Variants in ZHX3 observed in about 807,000 individuals in gnomAD.
The protein encoded by ZHX3 is zinc fingers and homeoboxes 3.
Under a neutral mutation model 64.5 loss-of-function variants are expected in ZHX3, and 20 were observed. The ratio of observed to expected loss-of-function variants is 0.31; its 90% CI spans 0.22 to 0.45. The LOEUF (loss-of-function observed/expected upper bound fraction) is 0.45, where lower values mean the gene tolerates loss of function less well. Among genes scored for constraint, ZHX3 ranks in the 20% least tolerant of loss-of-function variants. The pLI is 1.00. For synonymous variants in ZHX3, 423 were observed against 461.6 expected (o/e 0.92, Z 1.07); for missense variants, 1,041 against 1,195.8 (o/e 0.87, Z 1.91).
chr20:41,256,618 G>A (rs970251714), intron 2 of ZHX3, among the ~76,000 whole-genome samples: 2 of 149,296 alleles, frequency 1.3e-5, no homozygotes, highest in South Asian at 2.2e-4. Context: ...AGCCCCTTCG[G>A]AGGTTTTCAA....
At chr20:41,297,736 C>T (rs989951298) in intron 1 of ZHX3, among the ~76,000 whole-genome samples, 2 of 152,322 alleles carry the variant, frequency 1.3e-5, no homozygotes. Context: ...AGAGCCAGGA[C>T]TGAATAAAGG....
chr20:41,201,214 G>A lies in ZHX3; in HGVS notation c.2860+843C>T, dbSNP rs1600746926. The A allele has an allele frequency of 7.3e-6, 8 of 1,088,682 alleles. No individual in the cohort carries two copies. In the East Asian group the frequency reaches 4.2e-4, roughly 57 times the overall value. The allele number at this position is 1,088,682 out of a possible 1,614,324, so 67.4% of individuals were successfully genotyped here. A position where few individuals can be genotyped will look rare whatever the true frequency, so the allele number is the denominator to read the frequency against. On this transcript the variant is annotated intron_variant, in intron 3 of 3. Coordinates refer to ENST00000683867, the MANE Select transcript of ZHX3 (RefSeq NM_001384317.1). This position sits in a 1 kb window ranked among gnomAD's most constrained non-coding sequence, Gnocchi z 5.0. The stretch of plus-strand genomic sequence containing the variant: ...TACCCCCTCCCACATTGCCAACTCA[G>A]CTAGCAATGCTGCCATTTTGGAACC...
In ZHX3 at chr20:41,202,057, C is replaced by T; in HGVS notation, c.2860G>A (p.Glu954Lys). Residue 954 changes from glutamate to lysine, a missense_variant and splice_region_variant, in exon 3 of 4, where the codon GAA (glutamate) becomes AAA (lysine). Physicochemically the swap from Glu to Lys is moderately conservative, Grantham distance 56 (BLOSUM62 1). Coordinates refer to ENST00000683867, the MANE Select transcript of ZHX3 (RefSeq NM_001384317.1). This position sits in a 1 kb window ranked among gnomAD's most constrained non-coding sequence, Gnocchi z 7.0. ...TSSPQAGRQL[E>K]TD ...GCCATGGCCCCTGTGGACTCCTTAC[C>T]GAGCTGACGTCCAGCCTGGGGACTC... is the stretch of plus-strand genomic sequence containing the variant. 1 of 1,588,058 alleles carries T rather than the reference C, an allele frequency of 6.3e-7. No homozygotes were observed. The highest frequency in any genetic ancestry group is 8.6e-7 in the Non-Finnish European group (1 of 1,166,014).
At chr20:41,209,613 A>C (rs1361339990) in intron 2 of ZHX3, among the ~76,000 whole-genome samples, 1 of 152,268 alleles carries the variant, frequency 6.6e-6, no homozygotes, top group Non-Finnish European at 1.5e-5. Context: ...CCTATTTAAT[A>C]AATGGTGCTG....
intron 2 of ZHX3, among the ~76,000 whole-genome samples, chr20:41,266,214 T>G (rs1437473099): frequency 6.6e-6 from 1 of 152,196 alleles, no homozygotes; most frequent in African/African-American, 2.4e-5. Context: ...AAGCATGACG[T>G]GTAGAATAAA....
At chr20:41,308,008 A>G (rs2045028135) in intron 1 of ZHX3, among the ~76,000 whole-genome samples, 1 of 152,174 alleles carries the variant, frequency 6.6e-6, no homozygotes, top group African/African-American at 2.4e-5. Flanking sequence ...GAATACCTTT[A>G]GTGACTTAAA....
chr20:41,292,484 G>A (rs1461194737), intron 1 of ZHX3, among the ~76,000 whole-genome samples: 1 of 152,166 alleles, frequency 6.6e-6, no homozygotes, highest in East Asian at 1.9e-4. Flanking sequence ...CAAAGGGCAA[G>A]AGAAAAGCAC....
At chr20:41,241,370 A>G (rs2041370311) in intron 2 of ZHX3, among the ~76,000 whole-genome samples, 1 of 152,030 alleles carries the variant, frequency 6.6e-6, no homozygotes, top group African/African-American at 2.4e-5. Flanking sequence ...TTTTTTTCCT[A>G]TCGAGTTGTT....
At chr20:41,257,664 T>C (rs1198855312) in intron 2 of ZHX3, among the ~76,000 whole-genome samples, 3 of 151,082 alleles carry the variant, frequency 2.0e-5, no homozygotes, top group Admixed American at 6.6e-5. Flanking sequence ...CAGGCTGCAG[T>C]GCAGTGGCGT....
At chr20:41,209,762 T>C (rs2039013481) in intron 2 of ZHX3, among the ~76,000 whole-genome samples, 1 of 152,168 alleles carries the variant, frequency 6.6e-6, no homozygotes, top group African/African-American at 2.4e-5. Flanking sequence ...ACCTAGGCAA[T>C]ACCATTCAGG....
intron 2 of ZHX3, among the ~76,000 whole-genome samples, chr20:41,239,169 A>ATTT (rs796438352): frequency 7.0e-6 from 1 of 142,530 alleles, no homozygotes; most frequent in African/African-American, 2.6e-5. Context: ...TGCCCCGCTA[A>ATTT]TTTTTTTTTT....
chr20:41,203,193 G>C lies in ZHX3; in HGVS notation c.1724C>G (p.Ser575Cys). Residue 575 changes from serine to cysteine, a missense_variant, in exon 3 of 4, where the codon TCC becomes TGC. Transcript: ENST00000683867. The surrounding 1 kb of genome is among the most constrained non-coding windows in gnomAD (Gnocchi z 7.1). ...SIIIDSVPEVSFSPSSKVPEV... is the reference protein window; with the variant it reads ...SIIIDSVPEVCFSPSSKVPEV... ...AGGGACCTTGGACGATGGGGAGAAG[G>C]ACACCTCTGGCACAGAGTCAATGAT... 6.2e-7 allele frequency: 1 copy of C among 1,614,112 alleles called. No individual in the cohort carries two copies. The highest frequency in any genetic ancestry group is 1.6e-4 in the Middle Eastern group (1 of 6,062).
Position 41,251,548 on chromosome 20 carries a change from T to A in ZHX3, c.-151+17442A>T, listed in dbSNP as rs964006202. ...GAAACAGTAAATAATAAATGGCAGA[T>A]TAAAGCTCTAATATGTCAATAATTA... On this transcript the variant is annotated intron_variant, in intron 2 of 3. Transcript: ENST00000683867. Among the ~76,000 whole-genome samples the A allele has an allele frequency of 2.0e-5, 3 of 152,126 alleles. No homozygotes were observed. The East Asian group carries it at 5.8e-4, about 29-fold the overall frequency.
At chr20:41,265,356 C>A (rs896330175) in intron 2 of ZHX3, among the ~76,000 whole-genome samples, 1 of 152,096 alleles carries the variant, frequency 6.6e-6, no homozygotes, top group Non-Finnish European at 1.5e-5. Context: ...GCACCCACCA[C>A]CACGCCCAGC....
At chr20:41,311,312 A>G (rs1482584243) in intron 1 of ZHX3, among the ~76,000 whole-genome samples, 1 of 152,218 alleles carries the variant, frequency 6.6e-6, no homozygotes, top group African/African-American at 2.4e-5. Flanking sequence ...AAAAGATCCT[A>G]TGAGATAAGA....
chr20:41,258,977 T>C (rs1257188602), intron 2 of ZHX3, among the ~76,000 whole-genome samples: 1 of 152,104 alleles, frequency 6.6e-6, no homozygotes, highest in Non-Finnish European at 1.5e-5. Flanking sequence ...GTTCAGTGAA[T>C]TTTACTTTTC....
At chr20:41,234,780 C>T (rs1341449934) in intron 2 of ZHX3, among the ~76,000 whole-genome samples, 1 of 152,232 alleles carries the variant, frequency 6.6e-6, no homozygotes, top group Non-Finnish European at 1.5e-5. Context: ...ATAAGGGCTC[C>T]ACAGCCAGCT....
intron 2 of ZHX3, among the ~76,000 whole-genome samples, chr20:41,244,408 C>T (rs1431386996): frequency 2.6e-5 from 4 of 152,156 alleles, no homozygotes; most frequent in African/African-American, 4.8e-5. Flanking sequence ...CAGTAGCTCA[C>T]GCCTGTAATC....
At chr20:41,186,459 G>A (rs903202468) in intron 3 of ZHX3, among the ~76,000 whole-genome samples, 1 of 152,210 alleles carries the variant, frequency 6.6e-6, no homozygotes, top group Non-Finnish European at 1.5e-5. Flanking sequence ...GAACACTGAT[G>A]TACATGCATA....
Sources: allele counts gnomAD v4.1 joint callset (sites outside exome capture counted in the v4.1 genomes callset), GRCh38; gene constraint gnomAD v4.1.1; non-coding constraint Gnocchi (gnomAD v3.1); transcripts MANE v1.5; gene names NCBI Gene and HGNC (gene_info 2026-07-23, HGNC 2026-07-21).